The following SHLD3 variants were observed in gnomAD, a reference collection of about 807,000 sequenced individuals.
SHLD3 encodes the protein shieldin complex subunit 3.
In SHLD3, 15 loss-of-function variants were observed where a neutral mutation model predicts 21.4. The observed-to-expected ratio is 0.70, with a 90% CI of 0.47 to 1.08. SHLD3 has a LOEUF of 1.08. SHLD3 is among the 50% of genes least tolerant of loss of function. The probability of loss-of-function intolerance (pLI) is 0.00; values close to 1 mark genes in which losing one functional copy is unlikely to be tolerated. For synonymous variants in SHLD3, 103 were observed against 97.2 expected (o/e 1.06, Z -0.35); for missense variants, 273 against 286.1 (o/e 0.95, Z 0.33).
In SHLD3 at chr5:65,630,289, T is replaced by A; in HGVS notation, c.702T>A (p.Thr234=). The A allele has an allele frequency of 6.5e-7, 1 of 1,531,750 alleles. No individual in the cohort carries two copies. Among genetic ancestry groups the A allele is most frequent in the South Asian group, 1.2e-5 (1 of 83,586 alleles). 94.9% of individuals were successfully genotyped at this position (1,531,750 alleles called of 1,614,324 possible). A position where few individuals can be genotyped will look rare whatever the true frequency, so the allele number is the denominator to read the frequency against. ...TTCTTAAAGGAAGATTAGCTCTTAC[T>A]GGAAAAATTAATTTATTTGTGCATA... ...GSLLKGRLAL[T]GKINLFVHKY... The change falls in exon 2 of 2, where the codon ACT becomes ACA. Residue 234 remains threonine (T), a synonymous_variant. Transcript: ENST00000510585.
intron 1 of SHLD3, chr5:65,625,418 A>G (rs1420666574): frequency 5.4e-6 from 2 of 372,954 alleles, no homozygotes; most frequent in Non-Finnish European, 9.7e-6. Context: ...GCGGGCATCC[A>G]AAGTGCTTTT....
Position 65,629,774 on chromosome 5 carries a change from G to A in SHLD3, c.187G>A (p.Glu63Lys), listed in dbSNP as rs1358479918. The change falls in exon 2 of 2, where the codon GAG becomes AAG. Residue 63 changes from glutamate to lysine, a missense_variant. By Grantham distance (56) the Glu-to-Lys change is moderately conservative. Coordinates refer to ENST00000510585, the MANE Select transcript of SHLD3 (RefSeq NM_001365341.2). ...AAGATCACCACCTGTGATTTCTGAAGAGGCAGCTGAAGATGTGAAACAGTA... is the reference window on the plus strand; with the variant it reads ...AAGATCACCACCTGTGATTTCTGAAAAGGCAGCTGAAGATGTGAAACAGTA... ...PKRSPPVISE[E>K]AAEDVKQYLT... 1 of 1,536,088 alleles carries A rather than the reference G, an allele frequency of 6.5e-7. No individual in the cohort carries two copies.
intron 1 of SHLD3, 118 bp downstream of exon 1, chr5:65,625,224 G>A: frequency 1.1e-6 from 1 of 871,098 alleles, no homozygotes; most frequent in African/African-American, 1.7e-5. Context: ...CTCCTGCTCT[G>A]TCCTTTGCCG....
In SHLD3 at chr5:65,625,096, G is replaced by A; in HGVS notation, c.-131G>A. Reference sequence around the variant, plus strand: ...ATCCCCCTAAACAGGAGCACCTGCTGGCGCTAAAAGGTAAACTTTTGCGAA... The same window carrying A: ...ATCCCCCTAAACAGGAGCACCTGCTAGCGCTAAAAGGTAAACTTTTGCGAA... On this transcript the variant is annotated 5_prime_UTR_variant, in exon 1 of 2. Coordinates refer to ENST00000510585, the MANE Select transcript of SHLD3 (RefSeq NM_001365341.2). The A allele has an allele frequency of 1.2e-6, 2 of 1,613,690 alleles. No homozygotes were observed. Among genetic ancestry groups the A allele is most frequent in the South Asian group, 2.2e-5 (2 of 91,064 alleles).
At chr5:65,627,131 CAAAAAAA>C (rs60169195) in intron 1 of SHLD3, among the ~76,000 whole-genome samples, 10 of 32,580 alleles carry the variant, frequency 3.1e-4, no homozygotes, top group South Asian at 1.9e-3. Flanking sequence ...GACCCTGTCT[CAAAAAAA>C]AAAAAAAAAA....
chr5:65,629,476 T>G lies in SHLD3; in HGVS notation c.-112T>G. The G allele has an allele frequency of 7.0e-7, 1 of 1,428,842 alleles. No individual in the cohort carries two copies. The highest frequency in any genetic ancestry group is 2.8e-5 in the Admixed American group (1 of 35,138). The allele number at this position is 1,428,842 out of a possible 1,614,324, so 88.5% of individuals were successfully genotyped here. On this transcript the variant is annotated 5_prime_UTR_variant, in exon 2 of 2. Coordinates refer to ENST00000510585, the MANE Select transcript of SHLD3 (RefSeq NM_001365341.2). ...CAATACTTCTACTTTAGGTCCTGTT[T>G]CCCTCTGATTTGGCAAGAGAGACAA...
intron 1 of SHLD3, among the ~76,000 whole-genome samples, chr5:65,627,131 CAAAAAAAAAAAA>C (rs60169195): frequency 2.5e-4 from 8 of 32,552 alleles, no homozygotes; most frequent in Admixed American, 4.2e-4. Flanking sequence ...GACCCTGTCT[CAAAAAAAAAAAA>C]AAAAAAAAAA....
intron 1 of SHLD3, among the ~76,000 whole-genome samples, chr5:65,626,487 C>G (rs570238391): frequency 1.3e-4 from 19 of 151,950 alleles, no homozygotes; most frequent in African/African-American, 4.3e-4. Flanking sequence ...CCCTGTAATC[C>G]CAGCAGTTTG....
chr5:65,629,262 T>C (rs1306151832), intron 1 of SHLD3, among the ~76,000 whole-genome samples: 2 of 152,184 alleles, frequency 1.3e-5, no homozygotes, highest in South Asian at 2.1e-4. Flanking sequence ...CAGGAAGTGA[T>C]TTTATAGGGC....
Position 65,630,457 on chromosome 5 carries a change from T to C in SHLD3, c.*117T>C. On this transcript the variant is annotated 3_prime_UTR_variant, in exon 2 of 2. Transcript: ENST00000510585. ...AATGACTTTTTAGAATTCCTAGGCT[T>C]GTCAATTAAGTCAAGAAATTGCTGA... 7.2e-7 allele frequency: 1 copy of C among 1,392,338 alleles called. No homozygotes were observed. The highest frequency in any genetic ancestry group is 3.2e-5 in the Admixed American group (1 of 31,270). 86.2% of individuals were successfully genotyped at this position (1,392,338 alleles called of 1,614,324 possible).
chr5:65,627,729 G>A (rs1755317087), intron 1 of SHLD3, among the ~76,000 whole-genome samples: 1 of 152,136 alleles, frequency 6.6e-6, no homozygotes, highest in South Asian at 2.1e-4. Context: ...ATAAGGAACA[G>A]GGAAGAAAAA....
chr5:65,628,564 C>G (rs146146457), intron 1 of SHLD3, among the ~76,000 whole-genome samples: 3 of 151,688 alleles, frequency 2.0e-5, no homozygotes, highest in African/African-American at 7.3e-5. Flanking sequence ...CTCAACCTCC[C>G]GGGTTCAAGC....
chr5:65,627,305 C>CCAAATGTATTA (rs1264363601), intron 1 of SHLD3, among the ~76,000 whole-genome samples: 1 of 151,946 alleles, frequency 6.6e-6, no homozygotes, highest in Non-Finnish European at 1.5e-5. Context: ...ATGCTGAATG[C>CCAAATGTATTA]CAAATGTATT....
At chr5:65,628,461 AT>A (rs753065631) in intron 1 of SHLD3, among the ~76,000 whole-genome samples, 433 of 143,404 alleles carry the variant, frequency 3.0e-3, no homozygotes, top group Non-Finnish European at 3.1e-3. Flanking sequence ...AATCCATATA[AT>A]TTTTTTTTTT....
At chr5:65,626,907 G>A (rs1755261902) in intron 1 of SHLD3, among the ~76,000 whole-genome samples, 2 of 151,916 alleles carry the variant, frequency 1.3e-5, no homozygotes, top group South Asian at 2.1e-4. Context: ...TTGGGAGGCC[G>A]AGGCTGGCAG....
chr5:65,625,464 G>A, intron 1 of SHLD3: 1 of 274,474 alleles, frequency 3.6e-6, no homozygotes, highest in Non-Finnish European at 6.9e-6. Flanking sequence ...TGGCACTGAC[G>A]AAGTTAATCA....
chr5:65,630,142 G>A lies in SHLD3; in HGVS notation c.555G>A (p.Trp185Ter). ...ICNSQTLEDI[W>*]TKLNQIIRHN... ...ACAGCCAAACTCTGGAAGACATTTG[G>A]ACAAAACTCAATCAAATTATTAGGC... The change falls in exon 2 of 2, where the codon TGG (tryptophan) becomes TGA (stop). Residue 185 changes from tryptophan to a stop codon, truncating the protein, a stop_gained. Coordinates refer to ENST00000510585, the MANE Select transcript of SHLD3 (RefSeq NM_001365341.2). LOFTEE classifies it high-confidence loss of function. 3 of 1,535,982 alleles carry A rather than the reference G, an allele frequency of 2.0e-6. No individual in the cohort carries two copies. Among genetic ancestry groups the A allele is most frequent in the Non-Finnish European group, 2.6e-6 (3 of 1,146,854 alleles).
Position 65,630,786 on chromosome 5 carries a change from T to G in SHLD3, c.*446T>G, listed in dbSNP as rs1428453654. 12 of 619,436 alleles carry G rather than the reference T, an allele frequency of 1.9e-5. No homozygotes were observed. The highest frequency in any genetic ancestry group is 2.2e-5 in the Non-Finnish European group (11 of 494,918). 38.4% of individuals were successfully genotyped at this position (619,436 alleles called of 1,614,324 possible). A position where few individuals can be genotyped will look rare whatever the true frequency, so the allele number is the denominator to read the frequency against. ...ATTTATAATGATGTTTCCAAAGATA[T>G]GTAATAACAATTGATAGGCTGTTTT... On this transcript the variant is annotated 3_prime_UTR_variant, in exon 2 of 2. Transcript: ENST00000510585.
chr5:65,628,821 A>G (rs1357748279), intron 1 of SHLD3, among the ~76,000 whole-genome samples: 2 of 150,196 alleles, frequency 1.3e-5, no homozygotes, highest in Non-Finnish European at 2.9e-5. Flanking sequence ...CAGACAGATT[A>G]GAATTTTTTT....
Sources: allele counts gnomAD v4.1 joint callset (sites outside exome capture counted in the v4.1 genomes callset), GRCh38; gene constraint gnomAD v4.1.1; transcripts MANE v1.5; gene names NCBI Gene and HGNC (gene_info 2026-07-23, HGNC 2026-07-21).